PTPRN2: variants seen among roughly 807,000 people sequenced by gnomAD.
PTPRN2 encodes protein tyrosine phosphatase receptor type N2.
A neutral mutation model predicts 118.8 loss-of-function variants in PTPRN2; 74 were observed. The ratio of observed to expected loss-of-function variants is 0.62; its 90% CI spans 0.52 to 0.76. The LOEUF (loss-of-function observed/expected upper bound fraction) is 0.76, where lower values mean the gene tolerates loss of function less well. PTPRN2 is among the 30% of genes least tolerant of loss of function. The pLI is 0.00. For missense variants in PTPRN2, 1,481 were observed against 1,394.4 expected (o/e 1.06, Z -0.99); for synonymous variants, 641 against 608.0 (o/e 1.05, Z -0.80).
chr7:158,340,434 C>CGA (rs1806475894), intron 2 of PTPRN2, among the ~76,000 whole-genome samples: 1 of 42,596 alleles, frequency 2.3e-5, no homozygotes, highest in Non-Finnish European at 5.9e-5. Flanking sequence ...CACACTCTCA[C>CGA]CGTAAGAGCT....
chr7:158,464,910 C>A (rs1359673810), intron 2 of PTPRN2, among the ~76,000 whole-genome samples: 1 of 152,248 alleles, frequency 6.6e-6, no homozygotes, highest in Non-Finnish European at 1.5e-5. Context: ...CTGTGCTACA[C>A]CCTTATGCTC....
chr7:158,118,946 A>G (rs183398160), intron 9 of PTPRN2, among the ~76,000 whole-genome samples: 216 of 152,272 alleles, frequency 1.4e-3, no homozygotes, highest in African/African-American at 4.9e-3. Flanking sequence ...CAAGAAATCC[A>G]CCACTTTGGT....
chr7:158,478,750 A>C (rs73526887), intron 2 of PTPRN2, among the ~76,000 whole-genome samples: 1,933 of 152,208 alleles, frequency 0.013, 32 homozygotes, highest in African/African-American at 0.044. Context: ...TGACTTGTGT[A>C]CACGCCGTAC....
rs377201185 is a variant in PTPRN2, at chr7:158,135,165, G to A, written c.1174-1106C>T. Among the ~76,000 whole-genome samples, 6 of 152,264 alleles carry A rather than the reference G, an allele frequency of 3.9e-5. No homozygotes were observed. In the East Asian group the frequency reaches 1.2e-3, roughly 29 times the overall value. Reference sequence around the variant, plus strand: ...TTATATCTTCAATATTATATTAGATGTAAACAGGAAAATCTGATTCACTTT... The same window carrying A: ...TTATATCTTCAATATTATATTAGATATAAACAGGAAAATCTGATTCACTTT... On this transcript the variant is annotated intron_variant, in intron 8 of 22. Transcript: ENST00000389418.
intron 17 of PTPRN2, among the ~76,000 whole-genome samples, chr7:157,582,798 T>G (rs937844669): frequency 6.6e-6 from 1 of 151,190 alleles, no homozygotes; most frequent in African/African-American, 2.4e-5. Context: ...CTCTTGAACC[T>G]AGGAGGCGGA....
chr7:158,586,450 C>A (rs910660812), intron 1 of PTPRN2, among the ~76,000 whole-genome samples: 1 of 152,252 alleles, frequency 6.6e-6, no homozygotes, highest in African/African-American at 2.4e-5. Context: ...CGGCGAAGGA[C>A]CCCCCTCCAT....
rs1827634501 is a variant in PTPRN2, at chr7:158,565,752, G to A, written c.112+21806C>T. On this transcript the variant is annotated intron_variant, in intron 1 of 22. Transcript: ENST00000389418. The surrounding 1 kb of genome is among the most constrained non-coding windows in gnomAD (Gnocchi z 4.6). ...AAGCCCCCCAGGAACCCTGGAGGCA[G>A]GCACTGTTCCCGTAGTTACCCGCAC... is the stretch of plus-strand genomic sequence containing the variant. Among the ~76,000 whole-genome samples, 1 of 152,184 alleles carries A rather than the reference G, an allele frequency of 6.6e-6. No individual in the cohort carries two copies. The highest frequency in any genetic ancestry group is 1.5e-5 in the Non-Finnish European group (1 of 68,034).
At chr7:157,727,694 C>T (rs747245979) in intron 12 of PTPRN2, among the ~76,000 whole-genome samples, 4 of 152,170 alleles carry the variant, frequency 2.6e-5, no homozygotes, top group Non-Finnish European at 5.9e-5. Flanking sequence ...TGTTTTGTGT[C>T]GTTTACGTAA....
At chr7:158,277,090 G>A (rs1464862475) in intron 3 of PTPRN2, among the ~76,000 whole-genome samples, 1 of 152,184 alleles carries the variant, frequency 6.6e-6, no homozygotes, top group African/African-American at 2.4e-5. Flanking sequence ...TTCGTCAGAA[G>A]CCATCCTCTC....
At chr7:158,089,384 G>T (rs112801263) in intron 10 of PTPRN2, among the ~76,000 whole-genome samples, 21 of 30,442 alleles carry the variant, frequency 6.9e-4, no homozygotes, top group African/African-American at 8.4e-4. Flanking sequence ...CTTCCCCTGA[G>T]GAAAGGGGGA....
rs1383382376 is a variant in PTPRN2, at chr7:157,887,557, CTCCCAGTACATGG to C, written c.1788+11103_1788+11115del. 2.0e-3 allele frequency among the ~76,000 whole-genome samples: 37 copies of C among 18,498 alleles called. 4 individuals carry two copies. Among genetic ancestry groups the C allele is most frequent in the Non-Finnish European group, 3.6e-3 (30 of 8,446 alleles). 12.1% of individuals were successfully genotyped at this position (18,498 alleles called of 152,430 possible). On this transcript the variant is annotated intron_variant, in intron 12 of 22. Transcript: ENST00000389418. ...CCAGTACCCGCTCCCCCAGTACCTG[CTCCCAGTACATGG>C]TCCCCCAGTGCCCACTCCATTACCC... is the stretch of plus-strand genomic sequence containing the variant.
chr7:157,595,625 AGGTTAGGAAGCCTGGT>A (rs1260633792), intron 16 of PTPRN2, among the ~76,000 whole-genome samples: 2 of 150,030 alleles, frequency 1.3e-5, no homozygotes. Flanking sequence ...GGAAGCCAGG[AGGTTAGGAAGCCTGGT>A]GGTTAGGAAG....
At position 157,677,108 on chromosome 7, in the gene PTPRN2, G is replaced by A. The variant is rs187672903; in HGVS notation, c.2001+5617C>T. Among the ~76,000 whole-genome samples, 573 of 152,174 alleles carry A rather than the reference G, an allele frequency of 3.8e-3. 6 individuals carry two copies. Among genetic ancestry groups the A allele is most frequent in the African/African-American group, 0.013 (549 of 41,524 alleles). On this transcript the variant is annotated intron_variant, in intron 13 of 22. Transcript: ENST00000389418. ...CTGCAGCCCCCACCTCCTTTCCTGC[G>A]CCCCTCCTTGTGTGTAGCAGGAAGT...
At chr7:157,913,027 T>A (rs1270090203) in intron 11 of PTPRN2, among the ~76,000 whole-genome samples, 1 of 152,222 alleles carries the variant, frequency 6.6e-6, no homozygotes, top group Non-Finnish European at 1.5e-5. Context: ...GAAGTTTGAT[T>A]GTTATTAATA....
intron 1 of PTPRN2, among the ~76,000 whole-genome samples, chr7:158,524,249 GTCA>G (rs1342234055): frequency 1.5e-5 from 1 of 66,174 alleles, no homozygotes; most frequent in Non-Finnish European, 3.2e-5. Context: ...CTGGAGTGGA[GTCA>G]TCTGCCCTGG....
At chr7:157,755,609 C>A (rs968436100) in intron 12 of PTPRN2, among the ~76,000 whole-genome samples, 7 of 152,160 alleles carry the variant, frequency 4.6e-5, no homozygotes, top group African/African-American at 1.4e-4. Context: ...TGATCCTAAG[C>A]AAGCTAATGC....
intron 2 of PTPRN2, among the ~76,000 whole-genome samples, chr7:158,390,112 T>A (rs1247327785): frequency 6.6e-6 from 1 of 152,156 alleles, no homozygotes; most frequent in Non-Finnish European, 1.5e-5. Flanking sequence ...CCCAGCTCCA[T>A]CCCCGCCCCA....
chr7:157,893,970 C>T lies in PTPRN2; in HGVS notation c.1788+4703G>A, dbSNP rs1368403898. ...GGCTGGGTTCTGCCTTCAGAGGAAA[C>T]AATGGGCCTTATTCCTCGATACACC... On this transcript the variant is annotated intron_variant, in intron 12 of 22. Transcript: ENST00000389418. The surrounding 1 kb of genome is among the most constrained non-coding windows in gnomAD (Gnocchi z 4.0). Among the ~76,000 whole-genome samples, 2 of 152,160 alleles carry T rather than the reference C, an allele frequency of 1.3e-5. No homozygotes were observed. The highest frequency in any genetic ancestry group is 6.5e-5 in the Admixed American group (1 of 15,288).
chr7:158,061,120 A>G (rs1472654677), intron 11 of PTPRN2, among the ~76,000 whole-genome samples: 1 of 152,256 alleles, frequency 6.6e-6, no homozygotes, highest in East Asian at 1.9e-4. Context: ...CTGCCGGCTC[A>G]CTGAAGGGTG....
Sources: allele counts gnomAD v4.1 joint callset (sites outside exome capture counted in the v4.1 genomes callset), GRCh38; gene constraint gnomAD v4.1.1; non-coding constraint Gnocchi (gnomAD v3.1); transcripts MANE v1.5; gene names NCBI Gene and HGNC (gene_info 2026-07-23, HGNC 2026-07-21).